The following ACSM2A variants were observed in gnomAD, a reference collection of about 807,000 sequenced individuals.
ACSM2A encodes acyl-CoA synthetase medium chain family member 2A, also known as acyl-coenzyme A synthetase ACSM2A, mitochondrial.
In ACSM2A, 72 loss-of-function variants were observed where a neutral mutation model predicts 76.6. The observed-to-expected ratio is 0.94, with a 90% CI of 0.78 to 1.14. The LOEUF (loss-of-function observed/expected upper bound fraction) is 1.14, where lower values mean the gene tolerates loss of function less well. Ranked by LOEUF, ACSM2A falls within the 50% of genes most tolerant of loss-of-function variation. The pLI is 0.00. For missense variants in ACSM2A, 684 were observed against 708.5 expected, an observed-to-expected ratio of 0.97 and a Z score of 0.39; for synonymous variants, 249 against 255.9, an observed-to-expected ratio of 0.97 and a Z score of 0.26.
At chr16:20,464,628 A>G (rs1419840216) in intron 2 of ACSM2A, among the ~76,000 whole-genome samples, 1 of 152,146 alleles carries the variant, frequency 6.6e-6, no homozygotes, top group Non-Finnish European at 1.5e-5. Flanking sequence ...CACCCCCATG[A>G]TCCAATCACC....
At chr16:20,481,638 A>G (rs1013496474) in intron 12 of ACSM2A, 11 of 148,430 alleles carry the variant, frequency 7.4e-5, no homozygotes, top group Non-Finnish European at 1.5e-4. Flanking sequence ...GTTAGCAGCA[A>G]TAAGTTCGAA....
At chr16:20,458,933 C>CATATATAT (rs1213129201) in intron 1 of ACSM2A, among the ~76,000 whole-genome samples, 2 of 34,214 alleles carry the variant, frequency 5.8e-5, no homozygotes, top group South Asian at 2.4e-3. Flanking sequence ...TATATATATA[C>CATATATAT]ATATATATAT....
chr16:20,457,058 A>T (rs2012216517), intron 1 of ACSM2A, among the ~76,000 whole-genome samples: 1 of 152,062 alleles, frequency 6.6e-6, no homozygotes, highest in Admixed American at 6.6e-5. Flanking sequence ...CTTGGAGGAG[A>T]TGGATAAATT....
chr16:20,476,364 A>T (rs1263645586), intron 8 of ACSM2A: 5 of 982,286 alleles, frequency 5.1e-6, no homozygotes, highest in Non-Finnish European at 4.8e-6. Context: ...TCCTTTTTCC[A>T]GTGCCTCTTA....
chr16:20,459,393 G>A (rs531920452), intron 1 of ACSM2A, among the ~76,000 whole-genome samples: 5 of 152,302 alleles, frequency 3.3e-5, no homozygotes, highest in South Asian at 4.1e-4. Context: ...TTAAAGAAAA[G>A]GATGCTACTT....
At chr16:20,479,640 C>T (rs1378744761) in intron 10 of ACSM2A, among the ~76,000 whole-genome samples, 1 of 152,182 alleles carries the variant, frequency 6.6e-6, no homozygotes. Context: ...CAGGGCAGAG[C>T]CACACTGTCC....
At chr16:20,458,883 TA>T (rs1484062097) in intron 1 of ACSM2A, among the ~76,000 whole-genome samples, 1 of 131,618 alleles carries the variant, frequency 7.6e-6, no homozygotes, top group African/African-American at 2.7e-5. Context: ...AATACATACA[TA>T]GTATATATTA....
At chr16:20,458,915 T>C (rs1351153258) in intron 1 of ACSM2A, among the ~76,000 whole-genome samples, 2 of 58,812 alleles carry the variant, frequency 3.4e-5, no homozygotes, top group African/African-American at 1.8e-4. Context: ...CATATATATA[T>C]ATATATATAT....
chr16:20,484,985 T>C (rs1275185515), intron 13 of ACSM2A, among the ~76,000 whole-genome samples: 2 of 152,144 alleles, frequency 1.3e-5, no homozygotes, highest in African/African-American at 4.8e-5. Context: ...GGAATCAGAC[T>C]GTTGGGTTCA....
chr16:20,451,866 T>A (rs1018416735), intron 1 of ACSM2A, among the ~76,000 whole-genome samples, 185 bp downstream of exon 1: 4 of 142,380 alleles, frequency 2.8e-5, no homozygotes, highest in Non-Finnish European at 4.6e-5. Flanking sequence ...AAAGGCACCT[T>A]TATGGCAGCA....
intron 3 of ACSM2A, among the ~76,000 whole-genome samples, chr16:20,466,740 C>T (rs529480194): frequency 6.6e-6 from 1 of 152,296 alleles, no homozygotes; most frequent in Admixed American, 6.5e-5. Context: ...CTGGGTAGTG[C>T]AAGCTGGTCC....
intron 2 of ACSM2A, among the ~76,000 whole-genome samples, chr16:20,462,193 A>G (rs2012663641): frequency 6.6e-6 from 1 of 152,180 alleles, no homozygotes. Flanking sequence ...ACTTCTGGTT[A>G]CATGACTCCT....
rs756341286 is a variant in ACSM2A at position 20,480,892 on chromosome 16, A to T, written c.1480A>T (p.Ile494Phe). Residue 494 changes from isoleucine (I) to phenylalanine (F), a missense_variant, in exon 12 of 14, where the codon ATC becomes TTC. By Grantham distance (21) the Ile-to-Phe change is conservative. Coordinates refer to ENST00000573854, the MANE Select transcript of ACSM2A (RefSeq NM_001308172.2). The part of the protein sequence containing the change: ...EHPAVVETAV[I>F]SSPDPVRGEV... The stretch of plus-strand genomic sequence containing the variant: ...CCCTGCTGTGGTTGAGACGGCTGTG[A>T]TCAGCAGCCCAGACCCCGTCCGAGG... 3.5e-5 allele frequency: 56 copies of T among 1,613,938 alleles called. No homozygotes were observed. Among genetic ancestry groups the T allele is most frequent in the East Asian group, 3.1e-4 (14 of 44,886 alleles).
intron 13 of ACSM2A, 28 bp downstream of exon 13, chr16:20,483,205 C>G: frequency 6.2e-7 from 1 of 1,609,886 alleles, no homozygotes. Context: ...CCAAGTCACT[C>G]AAACTTGAGA....
Position 20,478,592 on chromosome 16 carries a change from G to T in ACSM2A, c.1196G>T (p.Gly399Val). 6.2e-7 allele frequency: 1 copy of T among 1,613,710 alleles called. No individual in the cohort carries two copies. Among genetic ancestry groups the T allele is most frequent in the Non-Finnish European group, 8.5e-7 (1 of 1,179,744 alleles). Residue 399 changes from glycine (G) to valine (V), a missense_variant, in exon 10 of 14, where the codon GGC (glycine) becomes GTC (valine). Coordinates refer to ENST00000573854, the MANE Select transcript of ACSM2A (RefSeq NM_001308172.2). ...CYDVQIIDDK[G>V]NVLPPGTEGD... ...TTTCTCCAGATCATAGATGATAAGGGCAACGTCCTGCCCCCCGGCACAGAA... is the reference window on the plus strand; with the variant it reads ...TTTCTCCAGATCATAGATGATAAGGTCAACGTCCTGCCCCCCGGCACAGAA...
intron 6 of ACSM2A, among the ~76,000 whole-genome samples, chr16:20,474,433 C>A (rs1271370282): frequency 6.6e-6 from 1 of 152,108 alleles, no homozygotes; most frequent in African/African-American, 2.4e-5. Flanking sequence ...GATGCCCCGA[C>A]CCTCCTTGGG....
chr16:20,477,719 A>C (rs2013834521), intron 9 of ACSM2A, among the ~76,000 whole-genome samples: 1 of 152,228 alleles, frequency 6.6e-6, no homozygotes, highest in Non-Finnish European at 1.5e-5. Context: ...ATATGCTTTA[A>C]AAACAGAAAT....
intron 2 of ACSM2A, among the ~76,000 whole-genome samples, chr16:20,464,034 T>G (rs1438269239): frequency 1.3e-5 from 2 of 152,268 alleles, no homozygotes; most frequent in East Asian, 1.9e-4. Context: ...AGCCAAGTTC[T>G]TTGCTAAAAT....
intron 6 of ACSM2A, among the ~76,000 whole-genome samples, chr16:20,474,767 T>C (rs1329836763): frequency 6.6e-6 from 1 of 152,172 alleles, no homozygotes; most frequent in Non-Finnish European, 1.5e-5. Flanking sequence ...ATGAGGATGA[T>C]AGCACACACT....
Sources: allele counts gnomAD v4.1 joint callset (sites outside exome capture counted in the v4.1 genomes callset), GRCh38; gene constraint gnomAD v4.1.1; transcripts MANE v1.5; gene names NCBI Gene and HGNC (gene_info 2026-07-23, HGNC 2026-07-21).